AGMO: variants seen among roughly 807,000 people sequenced by gnomAD.
AGMO encodes glyceryl-ether monooxygenase.
AGMO carries 75 observed loss-of-function variants against 60.2 expected under a neutral mutation model. The ratio of observed to expected loss-of-function variants is 1.25; its 90% CI spans 1.03 to 1.51. The LOEUF (loss-of-function observed/expected upper bound fraction) is 1.51, where lower values mean the gene tolerates loss of function less well. Among genes scored for constraint, AGMO ranks in the 40% most tolerant of loss-of-function variants. The probability of loss-of-function intolerance (pLI) is 0.00; values close to 1 mark genes in which losing one functional copy is unlikely to be tolerated. For missense variants in AGMO, 763 were observed against 525.5 expected (o/e 1.45, Z -4.42); for synonymous variants, 261 against 177.1 (o/e 1.47, Z -3.76).
chr7:15,559,107 A>G (rs921479818), intron 2 of AGMO, among the ~76,000 whole-genome samples: 2 of 152,170 alleles, frequency 1.3e-5, no homozygotes, highest in Admixed American at 6.6e-5. Context: ...TTTCTAAAAA[A>G]TAGTAGGTCA....
intron 12 of AGMO, among the ~76,000 whole-genome samples, chr7:15,313,741 T>C (rs1368910761): frequency 3.3e-5 from 5 of 152,164 alleles, no homozygotes; most frequent in Non-Finnish European, 7.3e-5. Flanking sequence ...ATATATACTA[T>C]ATTTTTCCTA....
the AGMO span, among the ~76,000 whole-genome samples, chr7:15,140,238 T>C: frequency 1.3e-5 from 2 of 152,088 alleles, no homozygotes; most frequent in Non-Finnish European, 2.9e-5. Context: ...ATACATATTT[T>C]CTCTTAGGAG....
intron 5 of AGMO, among the ~76,000 whole-genome samples, chr7:15,415,280 C>A (rs1275492240): frequency 6.6e-6 from 1 of 151,920 alleles, no homozygotes; most frequent in Non-Finnish European, 1.5e-5. Context: ...TGAACAGGCT[C>A]ACTCCTGTAA....
At chr7:15,549,040 C>A (rs1049416648) in intron 2 of AGMO, among the ~76,000 whole-genome samples, 1 of 150,546 alleles carries the variant, frequency 6.6e-6, no homozygotes, top group Admixed American at 6.6e-5. Flanking sequence ...GAATTTTCAA[C>A]CCAGAATTTC....
At chr7:15,324,757 C>T (rs1203903772) in intron 12 of AGMO, among the ~76,000 whole-genome samples, 4 of 152,150 alleles carry the variant, frequency 2.6e-5, no homozygotes, top group Non-Finnish European at 4.4e-5. Context: ...AAGGACTGCG[C>T]AATCTAGATC....
intron 3 of AGMO, among the ~76,000 whole-genome samples, chr7:15,433,335 CTG>C (rs1781308531): frequency 6.6e-6 from 1 of 152,102 alleles, no homozygotes; most frequent in Non-Finnish European, 1.5e-5. Flanking sequence ...CTATCACAAA[CTG>C]TGTGTAACAC....
chr7:15,561,317 C>T (rs1785297911), intron 1 of AGMO, among the ~76,000 whole-genome samples: 1 of 152,114 alleles, frequency 6.6e-6, no homozygotes. Flanking sequence ...AACTACTCTA[C>T]CAAATGAAAG....
intron 12 of AGMO, among the ~76,000 whole-genome samples, chr7:15,356,293 C>G (rs903677951): frequency 9.2e-5 from 14 of 151,930 alleles, no homozygotes; most frequent in Non-Finnish European, 2.1e-4. Flanking sequence ...AAAATAGAAA[C>G]AAACACTAGA....
chr7:15,539,949 G>C (rs988962704), intron 3 of AGMO, among the ~76,000 whole-genome samples: 1 of 152,098 alleles, frequency 6.6e-6, no homozygotes, highest in Non-Finnish European at 1.5e-5. Flanking sequence ...TATATGAGGA[G>C]GCTGCCTGTA....
Position 15,261,117 on chromosome 7 carries a change from G to A in AGMO, c.1264-59758C>T, listed in dbSNP as rs73279651. ...TCACACCTTATAAAACGGGAGTAAC[G>A]AGAACTATCCAAACCCAAGCCCAAC... is the stretch of plus-strand genomic sequence containing the variant. On this transcript the variant is annotated intron_variant, in intron 12 of 12. Coordinates refer to ENST00000342526, the MANE Select transcript of AGMO (RefSeq NM_001004320.2). 3.6e-3 allele frequency among the ~76,000 whole-genome samples: 543 copies of A among 151,714 alleles called. 4 individuals carry two copies. Among genetic ancestry groups the A allele is most frequent in the African/African-American group, 0.012 (512 of 41,444 alleles).
intron 12 of AGMO, among the ~76,000 whole-genome samples, chr7:15,309,944 C>T (rs921831241): frequency 1.3e-5 from 2 of 152,056 alleles, no homozygotes; most frequent in African/African-American, 4.8e-5. Context: ...TCCAAATTAG[C>T]ACTATATACA....
intron 12 of AGMO, among the ~76,000 whole-genome samples, chr7:15,248,178 CCATATATATATA>C (rs1782806852): frequency 4.3e-5 from 1 of 23,214 alleles, no homozygotes; most frequent in African/African-American, 8.1e-5. Flanking sequence ...TGATCCAGCA[CCATATATATATA>C]TATATATATA....
the AGMO span, among the ~76,000 whole-genome samples, chr7:15,148,634 C>G: frequency 2.6e-5 from 4 of 152,040 alleles, no homozygotes; most frequent in African/African-American, 9.7e-5. Context: ...TGACTGCATC[C>G]ATGTTGCAAA....
At position 15,511,220 on chromosome 7, in the gene AGMO, C is replaced by G. The variant is rs1219506440; in HGVS notation, c.409+33552G>C. Among the ~76,000 whole-genome samples, 6 of 152,062 alleles carry G rather than the reference C, an allele frequency of 3.9e-5. No homozygotes were observed. The East Asian group carries it at 1.2e-3, about 29-fold the overall frequency. On this transcript the variant is annotated intron_variant, in intron 3 of 12. Coordinates refer to ENST00000342526, the MANE Select transcript of AGMO (RefSeq NM_001004320.2). ...TATCACAGGGCACTCACACACCCAC[C>G]CACATGCACTCATGCAGGACCATGT...
chr7:15,124,979 T>C, the AGMO span, among the ~76,000 whole-genome samples: 23 of 151,992 alleles, frequency 1.5e-4, no homozygotes, highest in Non-Finnish European at 2.9e-4. Context: ...TTTGGTAAAT[T>C]TTATAACAAA....
rs147154657 is a variant in AGMO at position 15,431,807 on chromosome 7, G to T, written c.410-699C>A. On this transcript the variant is annotated intron_variant, in intron 3 of 12. Transcript: ENST00000342526. The stretch of plus-strand genomic sequence containing the variant: ...AATGATTGTTGTTTATTTTCATCAA[G>T]CACTATACAGATTGCTCTCATACTG... 5.1e-3 allele frequency among the ~76,000 whole-genome samples: 777 copies of T among 151,766 alleles called. 6 individuals are homozygous for T. The highest frequency in any genetic ancestry group is 0.018 in the African/African-American group (737 of 41,488).
At chr7:15,270,123 AC>A (rs762499217) in intron 12 of AGMO, among the ~76,000 whole-genome samples, 1 of 151,928 alleles carries the variant, frequency 6.6e-6, no homozygotes, top group Non-Finnish European at 1.5e-5. Flanking sequence ...GTGACTAGAT[AC>A]CCCCATGGTG....
At chr7:15,234,302 G>A (rs918922549) in intron 12 of AGMO, among the ~76,000 whole-genome samples, 4 of 152,138 alleles carry the variant, frequency 2.6e-5, no homozygotes, top group Admixed American at 2.0e-4. Context: ...CCCTTATTCT[G>A]TGTAAATGTC....
chr7:15,346,421 T>G (rs551957311), intron 12 of AGMO, among the ~76,000 whole-genome samples: 67 of 152,202 alleles, frequency 4.4e-4, no homozygotes, highest in Middle Eastern at 6.8e-3. Context: ...TTTAAACTAA[T>G]AGTGTTTCAC....
Sources: gnomAD v4.1 joint callset for allele counts (sites outside exome capture counted in the v4.1 genomes callset) on GRCh38, gnomAD v4.1.1 for gene constraint, MANE v1.5 for transcripts, NCBI Gene and HGNC (gene_info 2026-07-23, HGNC 2026-07-21) for gene names.